FAM135B: variants seen among roughly 807,000 people sequenced by gnomAD.
FAM135B encodes protein FAM135B.
Under a neutral mutation model 127.7 loss-of-function variants are expected in FAM135B, and 43 were observed. That is an observed-to-expected ratio of 0.34 (90% CI 0.26 to 0.43). FAM135B has a LOEUF of 0.43. Among genes scored for constraint, FAM135B ranks in the 20% least tolerant of loss-of-function variants. FAM135B has a pLI of 1.00. For missense variants in FAM135B, 1,558 were observed against 1,725.6 expected, an observed-to-expected ratio of 0.90 and a Z score of 1.72; for synonymous variants, 670 against 665.1, an observed-to-expected ratio of 1.01 and a Z score of -0.11.
chr8:138,418,466 C>A (rs1158587467), intron 1 of FAM135B, among the ~76,000 whole-genome samples: 1 of 151,556 alleles, frequency 6.6e-6, no homozygotes, highest in African/African-American at 2.4e-5. Context: ...TACAAGATGA[C>A]CATTCAAAAT....
chr8:138,189,547 C>A (rs188760619), intron 9 of FAM135B, among the ~76,000 whole-genome samples: 3 of 152,356 alleles, frequency 2.0e-5, no homozygotes, highest in Admixed American at 1.3e-4. Flanking sequence ...AGAGCACTGA[C>A]TGTAACACTC....
rs957219858 is a variant in FAM135B, at chr8:138,480,805, T to G, written c.-20+15866A>C. Among the ~76,000 whole-genome samples the G allele has an allele frequency of 3.9e-5, 6 of 152,344 alleles. No individual in the cohort carries two copies. The East Asian group carries it at 7.7e-4, about 20-fold the overall frequency. On this transcript the variant is annotated intron_variant, in intron 1 of 19. Transcript: ENST00000395297. ...ACAAGTTAGCCTTCTGAAACAGCTT[T>G]GGAATCAGATGCCTCTAAGTTGGAA... is the stretch of plus-strand genomic sequence containing the variant.
chr8:138,412,551 G>GTCACCTTCA (rs1413950021), intron 1 of FAM135B, among the ~76,000 whole-genome samples: 3 of 152,168 alleles, frequency 2.0e-5, no homozygotes, highest in African/African-American at 7.2e-5. Flanking sequence ...TTGGGCTCCA[G>GTCACCTTCA]TCACCTTCAT....
intron 7 of FAM135B, among the ~76,000 whole-genome samples, chr8:138,204,526 T>C (rs531608812): frequency 5.3e-4 from 81 of 152,346 alleles, no homozygotes; most frequent in Non-Finnish European, 9.4e-4. Flanking sequence ...GAGTGAGTCA[T>C]AGCATCCTCT....
At chr8:138,395,495 T>C (rs185596732) in intron 1 of FAM135B, among the ~76,000 whole-genome samples, 25 of 152,246 alleles carry the variant, frequency 1.6e-4, no homozygotes, top group Middle Eastern at 3.4e-3. Flanking sequence ...TGGGTGACCT[T>C]TGCACTATCT....
intron 2 of FAM135B, among the ~76,000 whole-genome samples, chr8:138,339,064 AACACTTGG>A (rs967119727): frequency 6.7e-6 from 1 of 148,172 alleles, no homozygotes; most frequent in African/African-American, 2.5e-5. Context: ...GAACAATGAG[AACACTTGG>A]ACACAGGAAA....
chr8:138,442,514 A>C (rs1835864828), intron 1 of FAM135B, among the ~76,000 whole-genome samples: 1 of 151,908 alleles, frequency 6.6e-6, no homozygotes, highest in Non-Finnish European at 1.5e-5. Flanking sequence ...TAGACCTCGC[A>C]GATCTAGAGT....
At chr8:138,187,188 A>G (rs1207181865) in intron 9 of FAM135B, among the ~76,000 whole-genome samples, 1 of 152,194 alleles carries the variant, frequency 6.6e-6, no homozygotes, top group Non-Finnish European at 1.5e-5. Context: ...AGGAAATTAA[A>G]ATTTCTTACT....
intron 1 of FAM135B, among the ~76,000 whole-genome samples, chr8:138,372,315 CAG>C (rs1212541513): frequency 6.6e-6 from 1 of 152,204 alleles, no homozygotes; most frequent in Non-Finnish European, 1.5e-5. Flanking sequence ...CACCTGCGTA[CAG>C]ACAGTTTGCC....
intron 7 of FAM135B, among the ~76,000 whole-genome samples, chr8:138,210,527 G>C (rs923911573): frequency 1.3e-5 from 2 of 152,116 alleles, no homozygotes; most frequent in Non-Finnish European, 1.5e-5. Context: ...CATGGTGGAA[G>C]GTGAAGGGGA....
intron 1 of FAM135B, among the ~76,000 whole-genome samples, chr8:138,485,124 A>G (rs1355045544): frequency 6.6e-6 from 1 of 152,256 alleles, no homozygotes; most frequent in Non-Finnish European, 1.5e-5. Context: ...ATTTAATTTT[A>G]GTAATTTCTG....
chr8:138,292,949 T>C (rs1340271319), intron 3 of FAM135B, among the ~76,000 whole-genome samples: 3 of 152,082 alleles, frequency 2.0e-5, no homozygotes, highest in Non-Finnish European at 4.4e-5. Context: ...GCCCAAGCTA[T>C]CCTAAGCATG....
rs773086544 is a variant in FAM135B, at chr8:138,152,480, C to T, written c.1995G>A (p.Glu665=). ...RSSLKDSHTE[E]QEELSVLSGV... ...CGGATAGCACTGAGAGTTCCTCCTG[C>T]TCTTCTGTGTGAGAGTCCTTTAGGG... is the stretch of plus-strand genomic sequence containing the variant. The change falls in exon 13 of 20, where the codon GAG becomes GAA. Residue 665 remains glutamate (E), a synonymous_variant. Coordinates refer to ENST00000395297, the MANE Select transcript of FAM135B (RefSeq NM_015912.4). 1 of 1,614,170 alleles carries T rather than the reference C, an allele frequency of 6.2e-7. No homozygotes were observed. The highest frequency in any genetic ancestry group is 8.5e-7 in the Non-Finnish European group (1 of 1,180,044).
intron 3 of FAM135B, among the ~76,000 whole-genome samples, chr8:138,284,636 T>G (rs1014572733): frequency 2.0e-5 from 3 of 151,546 alleles, no homozygotes; most frequent in African/African-American, 7.3e-5. Context: ...TGCTGTTCCC[T>G]CTGCTTGGAA....
intron 1 of FAM135B, among the ~76,000 whole-genome samples, chr8:138,380,814 A>G (rs1831805171): frequency 7.7e-6 from 1 of 130,460 alleles, no homozygotes. Flanking sequence ...AAGTTCTGAG[A>G]CACTGATGAA....
At chr8:138,181,512 C>T (rs1203680528) in intron 9 of FAM135B, among the ~76,000 whole-genome samples, 2 of 152,088 alleles carry the variant, frequency 1.3e-5, no homozygotes, top group Non-Finnish European at 2.9e-5. Flanking sequence ...TACCAACCTG[C>T]TGGCAGTGGG....
chr8:138,190,804 GT>G (rs2131076768), intron 9 of FAM135B, among the ~76,000 whole-genome samples: 1 of 152,234 alleles, frequency 6.6e-6, no homozygotes, highest in South Asian at 2.1e-4. Context: ...TTGATTCCAG[GT>G]CTTTAGATAA....
In FAM135B at chr8:138,374,002, T is replaced by A. The variant is rs533678301; in HGVS notation, c.-19-6000A>T. On this transcript the variant is annotated intron_variant, in intron 1 of 19. Transcript: ENST00000395297. ...CCTGCCTCCATTTGCCTTGTGATAT[T>A]CTATTACCTTGTGAAGCATGTGATC... Among the ~76,000 whole-genome samples, 19 of 152,308 alleles carry A rather than the reference T, an allele frequency of 1.2e-4. No homozygotes were observed. In the South Asian group the frequency reaches 3.7e-3, roughly 30 times the overall value.
intron 9 of FAM135B, among the ~76,000 whole-genome samples, chr8:138,190,944 A>G (rs1160306744): frequency 2.0e-5 from 3 of 152,138 alleles, no homozygotes; most frequent in Non-Finnish European, 4.4e-5. Context: ...GTACTGACTG[A>G]TGTCTTATGT....
Sources: gnomAD v4.1 joint callset for allele counts (sites outside exome capture counted in the v4.1 genomes callset) on GRCh38, gnomAD v4.1.1 for gene constraint, MANE v1.5 for transcripts, NCBI Gene and HGNC (gene_info 2026-07-23, HGNC 2026-07-21) for gene names.